The following ADAMTS20 variants were observed in gnomAD, a reference collection of about 807,000 sequenced individuals.
ADAMTS20 encodes the protein A disintegrin and metalloproteinase with thrombospondin motifs 20.
Under a neutral mutation model 260.1 loss-of-function variants are expected in ADAMTS20, and 225 were observed. The observed-to-expected ratio is 0.87, with a 90% CI of 0.78 to 0.97. The LOEUF (loss-of-function observed/expected upper bound fraction) is 0.97, where lower values mean the gene tolerates loss of function less well. Among genes scored for constraint, ADAMTS20 ranks in the 50% least tolerant of loss-of-function variants. The pLI, the probability that ADAMTS20 is intolerant of heterozygous loss-of-function variation, is 0.00. For missense variants in ADAMTS20, 2,400 were observed against 2,337.7 expected (o/e 1.03, Z -0.55); for synonymous variants, 802 against 769.5 (o/e 1.04, Z -0.70).
In ADAMTS20 at chr12:43,376,358, C is replaced by G. The variant is rs968804687; in HGVS notation, c.5126-28G>C. The G allele has an allele frequency of 2.0e-6, 3 of 1,507,680 alleles. No homozygotes were observed. In the Admixed American group the frequency reaches 6.5e-5, roughly 33 times the overall value. 93.4% of individuals were successfully genotyped at this position (1,507,680 alleles called of 1,614,324 possible). A position where few individuals can be genotyped will look rare whatever the true frequency, so the allele number is the denominator to read the frequency against. ...TCAAAGACAAATTAACACAACTTAA[C>G]ACAGAGCAAATTACAAACACAGCAA... On this transcript the variant is annotated intron_variant, in intron 33 of 38. Coordinates refer to ENST00000389420, the MANE Select transcript of ADAMTS20 (RefSeq NM_025003.5).
intron 3 of ADAMTS20, among the ~76,000 whole-genome samples, chr12:43,524,511 A>G (rs1298847102): frequency 1.3e-5 from 2 of 152,146 alleles, no homozygotes; most frequent in Non-Finnish European, 2.9e-5. Flanking sequence ...ATCAAGATGA[A>G]ATCTTTGAAA....
chr12:43,425,431 A>G, intron 28 of ADAMTS20, 83 bp downstream of exon 28: 2 of 1,212,682 alleles, frequency 1.6e-6, no homozygotes, highest in Non-Finnish European at 2.2e-6. Context: ...TAAAAGTCGA[A>G]GAAAAGAAAA....
intron 4 of ADAMTS20, among the ~76,000 whole-genome samples, chr12:43,494,470 G>A (rs1258367706): frequency 6.6e-6 from 1 of 152,182 alleles, no homozygotes; most frequent in African/African-American, 2.4e-5. Flanking sequence ...TGCTGACACT[G>A]TAGGGTCAGC....
chr12:43,500,354 C>G (rs567702111), intron 4 of ADAMTS20, among the ~76,000 whole-genome samples: 1 of 152,198 alleles, frequency 6.6e-6, no homozygotes, highest in East Asian at 1.9e-4. Flanking sequence ...AATGTCATCT[C>G]CTTTAACCAT....
intron 2 of ADAMTS20, among the ~76,000 whole-genome samples, chr12:43,538,872 G>C (rs2137516976): frequency 6.6e-6 from 1 of 151,736 alleles, no homozygotes; most frequent in Middle Eastern, 3.4e-3. Context: ...GAACATTTTT[G>C]TAACAAACCT....
chr12:43,412,802 A>AT (rs139458463), intron 28 of ADAMTS20, among the ~76,000 whole-genome samples: 7,521 of 84,340 alleles, frequency 0.089, 882 homozygotes, highest in African/African-American at 0.11. Context: ...ATAGGAAATA[A>AT]TTTTTTTTTT....
chr12:43,445,654 A>T (rs1941746010), intron 15 of ADAMTS20, among the ~76,000 whole-genome samples: 2 of 149,606 alleles, frequency 1.3e-5, no homozygotes, highest in African/African-American at 5.0e-5. Flanking sequence ...AGACCAACCT[A>T]GCAATACATT....
Position 43,492,593 on chromosome 12 carries a change from A to C in ADAMTS20, c.988T>G (p.Leu330Val). Reference sequence around the variant, plus strand: ...TGTTGCCATGAACAAAAGTTCTTTAATGTGGTAGCACCATCAAAATTAATG... The same window carrying C: ...TGTTGCCATGAACAAAAGTTCTTTACTGTGGTAGCACCATCAAAATTAATG... Reference protein sequence around the residue: ...PVINFDGATTLKNFCSWQQTQ... With the variant: ...PVINFDGATTVKNFCSWQQTQ... Residue 330 changes from leucine to valine, a missense_variant, in exon 6 of 39, where the codon TTA (leucine) becomes GTA (valine). Transcript: ENST00000389420. 1 of 1,613,792 alleles carries C rather than the reference A, an allele frequency of 6.2e-7. No homozygotes were observed.
chr12:43,401,367 T>C (rs1403565390), intron 28 of ADAMTS20, among the ~76,000 whole-genome samples: 1 of 151,900 alleles, frequency 6.6e-6, no homozygotes, highest in African/African-American at 2.4e-5. Context: ...CAGTAAGTTG[T>C]TGGCATTTCT....
chr12:43,404,179 A>G (rs1043275556), intron 28 of ADAMTS20, among the ~76,000 whole-genome samples: 5 of 4,486 alleles, frequency 1.1e-3, no homozygotes, highest in African/African-American at 4.5e-3. Flanking sequence ...TATTGTGGGG[A>G]CACACACACA....
intron 28 of ADAMTS20, among the ~76,000 whole-genome samples, chr12:43,404,005 A>T (rs1403745568): frequency 6.6e-6 from 1 of 152,044 alleles, no homozygotes; most frequent in Admixed American, 6.6e-5. Context: ...TCCTTCTCGA[A>T]ACTCCCTTCT....
chr12:43,489,834 A>T (rs1942575569), intron 7 of ADAMTS20, among the ~76,000 whole-genome samples: 1 of 152,040 alleles, frequency 6.6e-6, no homozygotes, highest in South Asian at 2.1e-4. Flanking sequence ...TGAAATATAT[A>T]ACAGTGAAAA....
At chr12:43,471,927 G>C (rs1352674752) in intron 7 of ADAMTS20, among the ~76,000 whole-genome samples, 9 of 146,614 alleles carry the variant, frequency 6.1e-5, no homozygotes, top group African/African-American at 2.3e-4. Flanking sequence ...AACGCAGAGC[G>C]CCTCTCCTCC....
intron 29 of ADAMTS20, among the ~76,000 whole-genome samples, chr12:43,396,627 A>G (rs747388422): frequency 1.3e-5 from 2 of 152,210 alleles, no homozygotes; most frequent in Non-Finnish European, 2.9e-5. Context: ...TTCAAGGAGA[A>G]GCAAGCAAAT....
At chr12:43,425,267 G>C (rs746701397) in intron 28 of ADAMTS20, among the ~76,000 whole-genome samples, 75 of 150,230 alleles carry the variant, frequency 5.0e-4, no homozygotes, top group Non-Finnish European at 7.1e-4. Context: ...GGAGGAGTGT[G>C]GGGGGCAGGG....
chr12:43,534,792 T>A (rs1368216359), intron 2 of ADAMTS20, among the ~76,000 whole-genome samples: 1 of 152,168 alleles, frequency 6.6e-6, no homozygotes, highest in Non-Finnish European at 1.5e-5. Context: ...AACTAAATAT[T>A]TCTATTTGCC....
In ADAMTS20 at chr12:43,551,180, A is replaced by T. The variant is rs1216110081; in HGVS notation, c.182T>A (p.Phe61Tyr). Reference sequence around the variant, plus strand: ...CTCGGAGCTGCGTTTCTGCCGGCTGAAGTGGTGGCTCTGAGGGAACACTTC... The same window carrying T: ...CTCGGAGCTGCGTTTCTGCCGGCTGTAGTGGTGGCTCTGAGGGAACACTTC... The part of the protein sequence containing the change: ...FGEVFPQSHH[F>Y]SRQKRSSEAL... Residue 61 changes from phenylalanine (F) to tyrosine (Y), a missense_variant, in exon 2 of 39, where the codon TTC becomes TAC. Transcript: ENST00000389420. This position sits in a 1 kb window ranked among gnomAD's most constrained non-coding sequence, Gnocchi z 4.6. 6.2e-7 allele frequency: 1 copy of T among 1,613,912 alleles called. No homozygotes were observed. The highest frequency in any genetic ancestry group is 1.1e-5 in the South Asian group (1 of 91,072).
At chr12:43,454,728 T>C (rs1941933752) in intron 11 of ADAMTS20, among the ~76,000 whole-genome samples, 1 of 152,228 alleles carries the variant, frequency 6.6e-6, no homozygotes, top group Non-Finnish European at 1.5e-5. Context: ...CAGTGATAGC[T>C]AATCAAAGTA....
At chr12:43,414,498 A>G (rs1941092920) in intron 28 of ADAMTS20, among the ~76,000 whole-genome samples, 1 of 152,168 alleles carries the variant, frequency 6.6e-6, no homozygotes, top group South Asian at 2.1e-4. Context: ...TAGCTCCCAT[A>G]TATCAGTAAG....
Sources: gnomAD v4.1 joint callset for allele counts (sites outside exome capture counted in the v4.1 genomes callset) on GRCh38, gnomAD v4.1.1 for gene constraint, Gnocchi (gnomAD v3.1) non-coding constraint, MANE v1.5 for transcripts, NCBI Gene and HGNC (gene_info 2026-07-23, HGNC 2026-07-21) for gene names.